GALNTL6: variants seen among roughly 807,000 people sequenced by gnomAD.
The protein encoded by GALNTL6 is polypeptide N-acetylgalactosaminyltransferase-like 6.
GALNTL6 carries 46 observed loss-of-function variants against 73.7 expected under a neutral mutation model. That is an observed-to-expected ratio of 0.62 (90% confidence interval 0.49 to 0.80). The LOEUF (loss-of-function observed/expected upper bound fraction) is 0.80, where lower values mean the gene tolerates loss of function less well. GALNTL6 is among the 30% of genes least tolerant of loss of function. The pLI is 0.00. For synonymous variants in GALNTL6, 259 were observed against 263.7 expected (o/e 0.98, Z 0.17); for missense variants, 604 against 755.0 (o/e 0.80, Z 2.34).
chr4:172,112,346 G>A (rs1162308964), intron 2 of GALNTL6, among the ~76,000 whole-genome samples: 1 of 152,040 alleles, frequency 6.6e-6, no homozygotes, highest in Non-Finnish European at 1.5e-5. Context: ...GAATAAAGCT[G>A]CTATAAATGT....
intron 5 of GALNTL6, among the ~76,000 whole-genome samples, chr4:172,596,108 T>C (rs1737843652): frequency 6.6e-6 from 1 of 152,186 alleles, no homozygotes; most frequent in Non-Finnish European, 1.5e-5. Context: ...TAACATTTTC[T>C]TGAATCCTGG....
chr4:172,050,157 A>G (rs1414383849), intron 2 of GALNTL6, among the ~76,000 whole-genome samples: 1 of 152,086 alleles, frequency 6.6e-6, no homozygotes, highest in Admixed American at 6.6e-5. Context: ...CCCTGAGCCT[A>G]TGATGTTATC....
chr4:172,736,073 A>G (rs1736442099), intron 5 of GALNTL6, among the ~76,000 whole-genome samples: 1 of 152,224 alleles, frequency 6.6e-6, no homozygotes, highest in Non-Finnish European at 1.5e-5. Flanking sequence ...GGGTGAAACT[A>G]GAATTACTGA....
chr4:172,553,893 CA>C (rs1022371675), intron 5 of GALNTL6, among the ~76,000 whole-genome samples: 2 of 151,960 alleles, frequency 1.3e-5, no homozygotes, highest in African/African-American at 4.8e-5. Context: ...CCCATCTCTA[CA>C]AAAAAATTAG....
chr4:172,880,333 T>C (rs987076394), intron 7 of GALNTL6, among the ~76,000 whole-genome samples: 3 of 152,026 alleles, frequency 2.0e-5, no homozygotes, highest in African/African-American at 7.2e-5. Context: ...TTAAAAATAA[T>C]GAACCATTGA....
intron 7 of GALNTL6, among the ~76,000 whole-genome samples, chr4:172,865,407 G>A (rs1170288058): frequency 1.3e-5 from 2 of 152,188 alleles, no homozygotes; most frequent in Admixed American, 1.3e-4. Flanking sequence ...AGTCCAAAGT[G>A]ACATCTGGTT....
At chr4:172,693,897 T>G (rs1733482894) in intron 5 of GALNTL6, among the ~76,000 whole-genome samples, 1 of 152,228 alleles carries the variant, frequency 6.6e-6, no homozygotes, top group African/African-American at 2.4e-5. Flanking sequence ...GAATTACTTT[T>G]TATTCAGTTA....
At chr4:171,883,962 T>G (rs975776295) in intron 2 of GALNTL6, among the ~76,000 whole-genome samples, 3 of 152,198 alleles carry the variant, frequency 2.0e-5, no homozygotes, top group African/African-American at 7.2e-5. Context: ...TGTGCTTTTC[T>G]TAGAAGTCAT....
At chr4:172,093,255 C>T (rs1732256474) in intron 2 of GALNTL6, among the ~76,000 whole-genome samples, 1 of 152,106 alleles carries the variant, frequency 6.6e-6, no homozygotes, top group South Asian at 2.1e-4. Context: ...TTTTCATCAA[C>T]CTTTTATAGT....
chr4:171,998,362 C>T (rs1740560769), intron 2 of GALNTL6, among the ~76,000 whole-genome samples: 1 of 152,058 alleles, frequency 6.6e-6, no homozygotes, highest in Non-Finnish European at 1.5e-5. Flanking sequence ...TCCTTTGAGG[C>T]CTCTTTCCTG....
At chr4:171,955,790 GCAGCATGTTACATATATA>G in intron 2 of GALNTL6, among the ~76,000 whole-genome samples, 1 of 150,506 alleles carries the variant, frequency 6.6e-6, no homozygotes, top group South Asian at 2.1e-4. Flanking sequence ...TATATAAATG[GCAGCATGTTACATATATA>G]TAACATGTTA....
At chr4:172,211,910 C>T (rs907537712) in intron 2 of GALNTL6, among the ~76,000 whole-genome samples, 2 of 152,146 alleles carry the variant, frequency 1.3e-5, no homozygotes, top group Non-Finnish European at 2.9e-5. Flanking sequence ...CCAAAGGCCC[C>T]ACTTCTCAAT....
intron 5 of GALNTL6, among the ~76,000 whole-genome samples, chr4:172,602,378 A>G (rs1049366969): frequency 2.0e-5 from 3 of 152,144 alleles, no homozygotes; most frequent in African/African-American, 7.2e-5. Flanking sequence ...AGTACATATT[A>G]TGGGGTTTAT....
At chr4:172,660,458 G>A (rs189273910) in intron 5 of GALNTL6, among the ~76,000 whole-genome samples, 7 of 152,346 alleles carry the variant, frequency 4.6e-5, no homozygotes, top group Admixed American at 1.3e-4. Context: ...ATATCTCAAG[G>A]AAGCGGAATG....
intron 2 of GALNTL6, among the ~76,000 whole-genome samples, chr4:171,856,108 T>C (rs1316148157): frequency 6.6e-6 from 1 of 152,120 alleles, no homozygotes; most frequent in African/African-American, 2.4e-5. Context: ...GTTGTTGTAG[T>C]TGTTGTTGTT....
chr4:172,138,490 TATATATATATATATATATA>T (rs1733701004), intron 2 of GALNTL6, among the ~76,000 whole-genome samples: 1 of 6,580 alleles, frequency 1.5e-4, no homozygotes, highest in East Asian at 2.7e-3. Context: ...TATATATATA[TATATATATATATATATATA>T]TATATTTTTT....
chr4:172,837,798 C>T (rs1257142407), intron 7 of GALNTL6, among the ~76,000 whole-genome samples: 1 of 152,222 alleles, frequency 6.6e-6, no homozygotes, highest in Non-Finnish European at 1.5e-5. Flanking sequence ...GGACAATTCA[C>T]TGATTGAATA....
intron 5 of GALNTL6, among the ~76,000 whole-genome samples, chr4:172,400,351 G>A (rs1743994691): frequency 6.6e-6 from 1 of 151,910 alleles, no homozygotes. Flanking sequence ...AATTTATTTG[G>A]TACCATATTT....
chr4:172,528,973 ATATTTATACATATGTGTG>A lies in GALNTL6; in HGVS notation c.553+180288_553+180305del, dbSNP rs1561123749. 1.0e-3 allele frequency among the ~76,000 whole-genome samples: 40 copies of A among 38,314 alleles called. No individual in the cohort carries two copies. In the East Asian group the frequency reaches 0.038, roughly 36 times the overall value. The allele number at this position is 38,314 out of a possible 152,430, so 25.1% of individuals were successfully genotyped here. On this transcript the variant is annotated intron_variant, in intron 5 of 12. Coordinates refer to ENST00000506823, the MANE Select transcript of GALNTL6 (RefSeq NM_001034845.3). ...AAGGCATATATATATATGTGTGTGT[ATATTTATACATATGTGTG>A]TATATATATATATATACACACACAC...
Sources: gnomAD v4.1 joint callset for allele counts (sites outside exome capture counted in the v4.1 genomes callset) on GRCh38, gnomAD v4.1.1 for gene constraint, MANE v1.5 for transcripts, NCBI Gene and HGNC (gene_info 2026-07-23, HGNC 2026-07-21) for gene names.